Variants in PKD1L1 observed in about 807,000 individuals in gnomAD.
PKD1L1 encodes the protein polycystin-1-like protein 1.
A neutral mutation model predicts 323.4 loss-of-function variants in PKD1L1; 236 were observed. That is an observed-to-expected ratio of 0.73 (90% CI 0.66 to 0.81). The LOEUF is 0.81. Ranked by LOEUF, PKD1L1 falls within the 40% of genes least tolerant of loss-of-function variation. The pLI, the probability that PKD1L1 is intolerant of heterozygous loss-of-function variation, is 0.00. For synonymous variants in PKD1L1, 1,344 were observed against 1,335.0 expected (o/e 1.01, Z -0.15); for missense variants, 3,320 against 3,508.0 (o/e 0.95, Z 1.35).
intron 41 of PKD1L1, among the ~76,000 whole-genome samples, chr7:47,832,593 G>A (rs1001558949): frequency 6.6e-6 from 1 of 152,142 alleles, no homozygotes; most frequent in Non-Finnish European, 1.5e-5. Flanking sequence ...GTGGCTCTAG[G>A]ATCCCAAAGC....
At position 47,946,053 on chromosome 7, in the gene PKD1L1, G is replaced by C. The variant is rs1050262749; in HGVS notation, c.44+2344C>G. ...GAAGGGGGAGATAATTTAAATACAAGGGAGGCTCTTTTTCCTGGTGTTGTG... is the reference window on the plus strand; with the variant it reads ...GAAGGGGGAGATAATTTAAATACAACGGAGGCTCTTTTTCCTGGTGTTGTG... On this transcript the variant is annotated intron_variant, in intron 1 of 56. Transcript: ENST00000289672. This position sits in a 1 kb window ranked among gnomAD's most constrained non-coding sequence, Gnocchi z 4.1. Among the ~76,000 whole-genome samples, 1 of 152,138 alleles carries C rather than the reference G, an allele frequency of 6.6e-6. No homozygotes were observed. Among genetic ancestry groups the C allele is most frequent in the East Asian group, 1.9e-4 (1 of 5,190 alleles).
intron 12 of PKD1L1, 43 bp downstream of exon 12, chr7:47,904,335 G>A (rs766174250): frequency 4.0e-5 from 64 of 1,611,370 alleles, no homozygotes; most frequent in South Asian, 1.5e-4. Context: ...TCTGATTCCC[G>A]CGCTGTCTGT....
Position 47,929,391 on chromosome 7 carries a change from G to C in PKD1L1, c.873C>G (p.Asn291Lys), listed in dbSNP as rs758324771. The C allele has an allele frequency of 6.2e-7, 1 of 1,614,216 alleles. No individual in the cohort carries two copies. ...CTTCCAGGGAGCAATTAAGAACAGG[G>C]TTCATGAAGTTATCAGAATTTCGAG... The part of the protein sequence containing the change: ...ILARNSDNFM[N>K]PVLNCSLEVE... The change falls in exon 7 of 57, where the codon AAC (asparagine) becomes AAG (lysine). Residue 291 changes from asparagine to lysine, a missense_variant. Transcript: ENST00000289672.
intron 46 of PKD1L1, 40 bp downstream of exon 46, chr7:47,821,036 C>T (rs1785129157): frequency 4.8e-6 from 6 of 1,250,002 alleles, no homozygotes; most frequent in Non-Finnish European, 7.1e-6. Context: ...TGGAATAGTG[C>T]AATGGCCCCA....
intron 56 of PKD1L1, among the ~76,000 whole-genome samples, chr7:47,788,577 A>ATATATATATAT (rs939251075): frequency 4.3e-5 from 6 of 138,062 alleles, no homozygotes; most frequent in African/African-American, 8.0e-5. Flanking sequence ...ATATATATAT[A>ATATATATATAT]TTTTTTTTTT....
chr7:47,888,379 C>T (rs1342030942), intron 16 of PKD1L1, among the ~76,000 whole-genome samples: 4 of 152,240 alleles, frequency 2.6e-5, no homozygotes, highest in Admixed American at 6.5e-5. Flanking sequence ...GAGGCAAGGA[C>T]ACTGCCACCC....
chr7:47,928,626 G>A (rs954134534), intron 7 of PKD1L1, among the ~76,000 whole-genome samples: 8 of 152,042 alleles, frequency 5.3e-5, no homozygotes, highest in East Asian at 1.9e-4. Flanking sequence ...AATCCTATCC[G>A]TAAGTGGAAA....
chr7:47,811,371 G>A lies in PKD1L1; in HGVS notation c.7581+446C>T, dbSNP rs537266404. On this transcript the variant is annotated intron_variant, in intron 50 of 56. Coordinates refer to ENST00000289672, the MANE Select transcript of PKD1L1 (RefSeq NM_138295.5). ...GGGTTTTCACCATGTTGGCCAGGCC[G>A]GTGTTGAACTCCTGACCTTGTGATC... is the stretch of plus-strand genomic sequence containing the variant. 1.7e-4 allele frequency among the ~76,000 whole-genome samples: 26 copies of A among 152,202 alleles called. No homozygotes were observed. In the South Asian group the frequency reaches 3.3e-3, roughly 19 times the overall value.
chr7:47,781,630 C>G (rs1176697064), intron 56 of PKD1L1, among the ~76,000 whole-genome samples: 1 of 151,672 alleles, frequency 6.6e-6, no homozygotes, highest in Admixed American at 6.6e-5. Flanking sequence ...AGGATGGTCT[C>G]GATTTCCTGA....
intron 1 of PKD1L1, among the ~76,000 whole-genome samples, chr7:47,945,339 CTG>C (rs1788073065): frequency 6.6e-6 from 1 of 152,196 alleles, no homozygotes; most frequent in South Asian, 2.1e-4. Context: ...AAAGATAAAA[CTG>C]GATAGTTTCA....
rs1472289816 is a variant in PKD1L1, at chr7:47,839,628, G to A, written c.5587C>T (p.Arg1863Cys). ...GGCCCACGGCTGTCGTGCCAGAGGCGGATCTTCCTCAGCAGGCCCAGTTGG... is the reference window on the plus strand; with the variant it reads ...GGCCCACGGCTGTCGTGCCAGAGGCAGATCTTCCTCAGCAGGCCCAGTTGG... ...PAQLGLLRKIRLWHDSRGPSP... is the reference protein window; with the variant it reads ...PAQLGLLRKICLWHDSRGPSP... Residue 1863 changes from arginine to cysteine, a missense_variant, in exon 36 of 57, where the codon CGC becomes TGC. Physicochemically the swap from Arg to Cys is radical, Grantham distance 180. Transcript: ENST00000289672. The surrounding 1 kb of genome is among the most constrained non-coding windows in gnomAD (Gnocchi z 4.3). The A allele has an allele frequency of 1.3e-6, 2 of 1,581,312 alleles. No individual in the cohort carries two copies. Among genetic ancestry groups the A allele is most frequent in the Admixed American group, 1.8e-5 (1 of 55,492 alleles).
At chr7:47,777,692 AAGAGCCCCC>A (rs1183888204) in intron 56 of PKD1L1, among the ~76,000 whole-genome samples, 1 of 152,174 alleles carries the variant, frequency 6.6e-6, no homozygotes, top group Non-Finnish European at 1.5e-5. Context: ...TGCTATAACA[AAGAGCCCCC>A]AGATTCCTCA....
chr7:47,784,607 G>A (rs989059169), intron 56 of PKD1L1, among the ~76,000 whole-genome samples: 1 of 151,810 alleles, frequency 6.6e-6, no homozygotes, highest in African/African-American at 2.4e-5. Context: ...CAAGTAGCTG[G>A]GATTACAGGC....
intron 12 of PKD1L1, among the ~76,000 whole-genome samples, chr7:47,903,222 A>T (rs1469472240): frequency 6.6e-6 from 1 of 152,204 alleles, no homozygotes; most frequent in East Asian, 1.9e-4. Flanking sequence ...CACAAATTTG[A>T]GTTTGCAAGG....
intron 2 of PKD1L1, among the ~76,000 whole-genome samples, chr7:47,941,497 T>G (rs1260153496): frequency 1.3e-5 from 2 of 152,214 alleles, no homozygotes; most frequent in East Asian, 1.9e-4. Context: ...TTTAACATTG[T>G]GAGTCAAAGT....
chr7:47,832,550 G>A (rs920524815), intron 41 of PKD1L1, among the ~76,000 whole-genome samples: 8 of 152,198 alleles, frequency 5.3e-5, no homozygotes, highest in African/African-American at 1.9e-4. Context: ...GGCTGAGCTG[G>A]AGCCTCGAGA....
chr7:47,897,203 C>T lies in PKD1L1; in HGVS notation c.2271+785G>A, dbSNP rs535382194. 2.6e-5 allele frequency among the ~76,000 whole-genome samples: 4 copies of T among 152,284 alleles called. No homozygotes were observed. The South Asian group carries it at 6.2e-4, about 24-fold the overall frequency. ...GGCAAGGTCAGGGCAGTTTGGGTGC[C>T]GAGGAGCTTTGTGGCAAGCCACACA... On this transcript the variant is annotated intron_variant, in intron 14 of 56. Coordinates refer to ENST00000289672, the MANE Select transcript of PKD1L1 (RefSeq NM_138295.5).
chr7:47,838,002 C>CA (rs1460698686), intron 36 of PKD1L1, among the ~76,000 whole-genome samples: 1 of 152,166 alleles, frequency 6.6e-6, no homozygotes, highest in Non-Finnish European at 1.5e-5. Context: ...ACATTTCTCA[C>CA]AAAAAGCTCT....
intron 2 of PKD1L1, among the ~76,000 whole-genome samples, chr7:47,941,768 A>G (rs111629481): frequency 6.6e-6 from 1 of 152,216 alleles, no homozygotes; most frequent in Non-Finnish European, 1.5e-5. Context: ...TCTGAAACCA[A>G]TTAGTCATCA....
Sources: allele counts gnomAD v4.1 joint callset (sites outside exome capture counted in the v4.1 genomes callset), GRCh38; gene constraint gnomAD v4.1.1; non-coding constraint Gnocchi (gnomAD v3.1); transcripts MANE v1.5; gene names NCBI Gene and HGNC (gene_info 2026-07-23, HGNC 2026-07-21).